The following RTN1 variants were observed in gnomAD, a reference collection of about 807,000 sequenced individuals.
RTN1 encodes reticulon 1, also known as reticulon-1.
A neutral mutation model predicts 65.5 loss-of-function variants in RTN1; 25 were observed. The observed-to-expected ratio is 0.38, with a 90% CI of 0.28 to 0.53. RTN1 has a LOEUF of 0.53. RTN1 is among the 20% of genes least tolerant of loss of function. RTN1 has a pLI of 0.79. For missense variants in RTN1, 983 were observed against 1,025.4 expected (o/e 0.96, Z 0.57); for synonymous variants, 471 against 447.6 (o/e 1.05, Z -0.66).
At chr14:59,719,892 G>T (rs1181815046) in intron 3 of RTN1, among the ~76,000 whole-genome samples, 2 of 152,140 alleles carry the variant, frequency 1.3e-5, no homozygotes, top group Admixed American at 6.5e-5. Context: ...TAGGGAATTA[G>T]GATTGCCATT....
At chr14:59,787,311 T>C (rs1221993618) in intron 1 of RTN1, among the ~76,000 whole-genome samples, 1 of 152,126 alleles carries the variant, frequency 6.6e-6, no homozygotes, top group African/African-American at 2.4e-5. Flanking sequence ...ACCTGCTTCT[T>C]ACTAGATGTA....
intron 3 of RTN1, among the ~76,000 whole-genome samples, chr14:59,726,073 T>C (rs1286901014): frequency 1.3e-5 from 2 of 152,210 alleles, no homozygotes; most frequent in Non-Finnish European, 2.9e-5. Flanking sequence ...AAAAATAGAA[T>C]GAGCAGGACC....
chr14:59,765,618 A>C (rs529699708), intron 1 of RTN1, among the ~76,000 whole-genome samples: 1 of 152,352 alleles, frequency 6.6e-6, no homozygotes, highest in East Asian at 1.9e-4. Flanking sequence ...TAAAACCATA[A>C]ATAAATAAGA....
intron 3 of RTN1, among the ~76,000 whole-genome samples, chr14:59,611,788 G>C (rs897262079): frequency 1.3e-5 from 2 of 152,154 alleles, no homozygotes; most frequent in African/African-American, 4.8e-5. Context: ...GATACTCTTG[G>C]AGTTCTTGGT....
chr14:59,803,145 T>C lies in RTN1; in HGVS notation c.242-56664A>G, dbSNP rs895368996. Among the ~76,000 whole-genome samples, 1 of 152,202 alleles carries C rather than the reference T, an allele frequency of 6.6e-6. No individual in the cohort carries two copies. The highest frequency in any genetic ancestry group is 6.6e-5 in the Admixed American group (1 of 15,266). On this transcript the variant is annotated intron_variant, in intron 1 of 8. Coordinates refer to ENST00000267484, the MANE Select transcript of RTN1 (RefSeq NM_021136.3). The surrounding 1 kb of genome is among the most constrained non-coding windows in gnomAD (Gnocchi z 5.6). The stretch of plus-strand genomic sequence containing the variant: ...AATCAAAAGGACAGGATGTCTCCTA[T>C]TCTTATGTGACTAAACACAGCTAGA...
intron 3 of RTN1, chr14:59,610,217 AC>A: frequency 1.4e-6 from 1 of 724,332 alleles, no homozygotes; most frequent in Non-Finnish European, 2.6e-6. Flanking sequence ...CACTTCATGG[AC>A]TTTCCTTGAA....
At chr14:59,861,961 A>T (rs1473331343) in intron 1 of RTN1, among the ~76,000 whole-genome samples, 1 of 152,198 alleles carries the variant, frequency 6.6e-6, no homozygotes, top group East Asian at 1.9e-4. Flanking sequence ...TGGCCTGCCT[A>T]GAACAGAATC....
chr14:59,709,383 G>A (rs1167099875), intron 3 of RTN1, among the ~76,000 whole-genome samples: 1 of 152,116 alleles, frequency 6.6e-6, no homozygotes, highest in Admixed American at 6.5e-5. Flanking sequence ...TCAAATCACA[G>A]ATGAGAGTTA....
chr14:59,815,772 G>A (rs994807758), intron 1 of RTN1, among the ~76,000 whole-genome samples: 5 of 152,112 alleles, frequency 3.3e-5, no homozygotes, highest in Non-Finnish European at 7.4e-5. Flanking sequence ...CCTATGGTCT[G>A]CCTTTTCAAT....
In RTN1 at chr14:59,825,867, T is replaced by C. The variant is rs1197522703; in HGVS notation, c.241+44523A>G. Among the ~76,000 whole-genome samples, 1 of 152,202 alleles carries C rather than the reference T, an allele frequency of 6.6e-6. No homozygotes were observed. The highest frequency in any genetic ancestry group is 2.4e-5 in the African/African-American group (1 of 41,446). On this transcript the variant is annotated intron_variant, in intron 1 of 8. Transcript: ENST00000267484. The surrounding 1 kb of genome is among the most constrained non-coding windows in gnomAD (Gnocchi z 4.2). ...TCAGACCAGGAGCCTATAACCTCGT[T>C]ACAGGCCACTCACTCCAGGAATGGT...
At chr14:59,697,237 A>G (rs563536540) in intron 3 of RTN1, among the ~76,000 whole-genome samples, 1 of 152,258 alleles carries the variant, frequency 6.6e-6, no homozygotes, top group East Asian at 1.9e-4. Flanking sequence ...TCTCCCAGAT[A>G]ATTACTGGCC....
rs563101687 is a variant in RTN1 at position 59,755,090 on chromosome 14, G to A, written c.242-8609C>T. On this transcript the variant is annotated intron_variant, in intron 1 of 8. Transcript: ENST00000267484. The stretch of plus-strand genomic sequence containing the variant: ...TTCTGACTCGCTAGGGTTGAGATAA[G>A]GGGCTTATGGCTTAAGGTGGTACTT... Among the ~76,000 whole-genome samples, 13 of 152,246 alleles carry A rather than the reference G, an allele frequency of 8.5e-5. No individual in the cohort carries two copies. The South Asian group carries it at 2.7e-3, about 32-fold the overall frequency.
chr14:59,644,248 A>G (rs1882842468), intron 3 of RTN1, among the ~76,000 whole-genome samples: 1 of 152,200 alleles, frequency 6.6e-6, no homozygotes, highest in Non-Finnish European at 1.5e-5. Context: ...ATTCATCAAG[A>G]AAACAACTCA....
At chr14:59,726,881 A>G in intron 3 of RTN1, 38 bp downstream of exon 3, 1 of 1,557,960 alleles carries the variant, frequency 6.4e-7, no homozygotes, top group East Asian at 2.3e-5. Flanking sequence ...ACCCAGAGGG[A>G]GGACACTAAC....
chr14:59,680,994 T>G (rs1371035699), intron 3 of RTN1, among the ~76,000 whole-genome samples: 1 of 152,116 alleles, frequency 6.6e-6, no homozygotes, highest in Admixed American at 6.5e-5. Context: ...ATAGAATATA[T>G]GTTGAAATTT....
In RTN1 at chr14:59,846,122, G is replaced by A. The variant is rs1887403899; in HGVS notation, c.241+24268C>T. Among the ~76,000 whole-genome samples, 1 of 152,174 alleles carries A rather than the reference G, an allele frequency of 6.6e-6. No individual in the cohort carries two copies. Among genetic ancestry groups the A allele is most frequent in the African/African-American group, 2.4e-5 (1 of 41,446 alleles). ...GTGGATCATTATAGGATGTCAACCA[G>A]GTAGGAATTGAAGACAAGGTCAACA... On this transcript the variant is annotated intron_variant, in intron 1 of 8. Transcript: ENST00000267484. This position sits in a 1 kb window ranked among gnomAD's most constrained non-coding sequence, Gnocchi z 4.8.
intron 1 of RTN1, among the ~76,000 whole-genome samples, chr14:59,820,576 A>G (rs1328559586): frequency 6.6e-6 from 1 of 151,986 alleles, no homozygotes; most frequent in East Asian, 1.9e-4. Flanking sequence ...TGATTTTTGC[A>G]TATGGTGAAA....
At chr14:59,653,407 C>A (rs919281334) in intron 3 of RTN1, among the ~76,000 whole-genome samples, 1 of 152,056 alleles carries the variant, frequency 6.6e-6, no homozygotes, top group Non-Finnish European at 1.5e-5. Context: ...TAAAGAAAAT[C>A]TTTCAAGTAG....
chr14:59,766,491 T>C lies in RTN1; in HGVS notation c.242-20010A>G, dbSNP rs1316222316. 1.3e-5 allele frequency among the ~76,000 whole-genome samples: 2 copies of C among 152,172 alleles called. No individual in the cohort carries two copies. Among genetic ancestry groups the C allele is most frequent in the Non-Finnish European group, 1.5e-5 (1 of 68,036 alleles). ...CTGTAAGTTGGTAAGGTAGCTGCTC[T>C]TATATCTGGGGAAGAAACTAGGGGT... On this transcript the variant is annotated intron_variant, in intron 1 of 8. Transcript: ENST00000267484. The surrounding 1 kb of genome is among the most constrained non-coding windows in gnomAD (Gnocchi z 4.4).
Sources: allele counts gnomAD v4.1 joint callset (sites outside exome capture counted in the v4.1 genomes callset), GRCh38; gene constraint gnomAD v4.1.1; non-coding constraint Gnocchi (gnomAD v3.1); transcripts MANE v1.5; gene names NCBI Gene and HGNC (gene_info 2026-07-23, HGNC 2026-07-21).